The following KRT34 variants were observed in gnomAD, a reference collection of about 807,000 sequenced individuals.
The protein encoded by KRT34 is keratin 34.
In KRT34, 31 loss-of-function variants were observed where a neutral mutation model predicts 41.7. The observed-to-expected ratio is 0.74, with a 90% confidence interval of 0.56 to 1.00. The LOEUF is 1.00. KRT34 is among the 50% of genes least tolerant of loss of function. KRT34 has a pLI of 0.00. For missense variants in KRT34, 523 were observed against 500.3 expected, an observed-to-expected ratio of 1.05 and a Z score of -0.43; for synonymous variants, 224 against 212.9, an observed-to-expected ratio of 1.05 and a Z score of -0.45.
Position 41,382,186 on chromosome 17 carries a change from A to G in KRT34, c.61T>C (p.Cys21Arg), listed in dbSNP as rs2018005901. Reference protein sequence around the residue: ...GCRTSCSSRPCVPPSCHGYTL... With the variant: ...GCRTSCSSRPRVPPSCHGYTL... ...TAGCCGTGGCAGCTGGGGGGCACGC[A>G]GGGCCGGGAGGAGCAGCTGGTGCGG... The change falls in exon 1 of 7, where the codon TGC (cysteine) becomes CGC (arginine). Residue 21 changes from cysteine to arginine, a missense_variant. Physicochemically the swap from Cys to Arg is radical, Grantham distance 180 (BLOSUM62 -3). Coordinates refer to ENST00000394001, the MANE Select transcript of KRT34 (RefSeq NM_001386014.1). 6.2e-7 allele frequency: 1 copy of G among 1,612,268 alleles called. No homozygotes were observed. Among genetic ancestry groups the G allele is most frequent in the African/African-American group, 1.3e-5 (1 of 74,894 alleles).
chr17:41,381,001 T>C (rs1162770228), intron 3 of KRT34, 55 bp downstream of exon 3: 2 of 1,533,366 alleles, frequency 1.3e-6, no homozygotes, highest in Non-Finnish European at 1.8e-6. Context: ...CCTCTCCTGA[T>C]TCCCAGTGCT....
In KRT34 at chr17:41,378,133, G is replaced by T. The variant is rs748179071; in HGVS notation, c.1111C>A (p.Pro371Thr). 4.3e-6 allele frequency: 7 copies of T among 1,613,594 alleles called. No homozygotes were observed. Among genetic ancestry groups the T allele is most frequent in the Non-Finnish European group, 5.1e-6 (6 of 1,179,620 alleles). ...ESEDCKLPCN[P>T]CATTNASGNS... ...CCACTAGCATTGGTGGTGGCGCATG[G>T]GTTGCAGGGGAGCCTAGGAGGACAA... The change falls in exon 7 of 7, where the codon CCA becomes ACA. Residue 371 changes from proline (P) to threonine (T), a missense_variant. Coordinates refer to ENST00000394001, the MANE Select transcript of KRT34 (RefSeq NM_001386014.1).
intron 6 of KRT34, 24 bp downstream of exon 6, chr17:41,378,932 A>G: frequency 1.2e-6 from 2 of 1,613,750 alleles, no homozygotes; most frequent in South Asian, 1.1e-5. Context: ...CATTCTTCCC[A>G]GACATTATTT....
chr17:41,382,856 G>A (rs1340088005), upstream of KRT34, among the ~76,000 whole-genome samples: 2 of 152,198 alleles, frequency 1.3e-5, no homozygotes, highest in Admixed American at 6.5e-5. Flanking sequence ...AACACATGGA[G>A]CAACTGAAAA....
chr17:41,381,003 C>T (rs1474854295), intron 3 of KRT34, 53 bp downstream of exon 3: 5 of 1,551,330 alleles, frequency 3.2e-6, no homozygotes, highest in Non-Finnish European at 4.4e-6. Context: ...TCTCCTGATT[C>T]CCAGTGCTAG....
Position 41,380,275 on chromosome 17 carries a change from A to C in KRT34, c.589-544T>G, listed in dbSNP as rs1372033936. ...TCCGTCAAAAAAAAAAAAGCACTAA[A>C]AGGAAGATTCTGATCATTCCCAAAG... On this transcript the variant is annotated intron_variant, in intron 3 of 6. Coordinates refer to ENST00000394001, the MANE Select transcript of KRT34 (RefSeq NM_001386014.1). Among the ~76,000 whole-genome samples, 3 of 151,592 alleles carry C rather than the reference A, an allele frequency of 2.0e-5. No homozygotes were observed. The East Asian group carries it at 5.9e-4, about 30-fold the overall frequency.
In KRT34 at chr17:41,378,156, C is replaced by T. The variant is rs1370901305; in HGVS notation, c.1098-10G>A. On this transcript the variant is annotated splice_polypyrimidine_tract_variant and intron_variant, in intron 6 of 6. Transcript: ENST00000394001. Reference sequence around the variant, plus strand: ...TGGGTTGCAGGGGAGCCTAGGAGGACAAGGAGGTTTAGAATGGCTTTAGGA... The same window carrying T: ...TGGGTTGCAGGGGAGCCTAGGAGGATAAGGAGGTTTAGAATGGCTTTAGGA... 1 of 1,605,844 alleles carries T rather than the reference C, an allele frequency of 6.2e-7. No homozygotes were observed.
At chr17:41,382,512 TGAAA>T (rs2018017027), upstream of KRT34, 1 of 727,218 alleles carries the variant, frequency 1.4e-6, no homozygotes, top group Non-Finnish European at 2.2e-6. Context: ...TAGTGGTTGG[TGAAA>T]TCAGAGTTTC....
In KRT34 at chr17:41,379,398, G is replaced by A. The variant is rs2017923886; in HGVS notation, c.831C>T (p.Arg277=). 1 of 1,613,532 alleles carries A rather than the reference G, an allele frequency of 6.2e-7. No homozygotes were observed. Among genetic ancestry groups the A allele is most frequent in the Admixed American group, 1.7e-5 (1 of 60,012 alleles). ...SCQAEIIELR[R]TVNALEIELQ... is the part of the protein sequence containing the mutation. Reference sequence around the variant, plus strand: ...GCTCGATCTCCAGGGCGTTGACTGTGCGTCTCAGCTCGATGATCTCCGCCT... The same window carrying A: ...GCTCGATCTCCAGGGCGTTGACTGTACGTCTCAGCTCGATGATCTCCGCCT... The change falls in exon 5 of 7, where the codon CGC becomes CGT. Residue 277 remains arginine (R), a synonymous_variant. Transcript: ENST00000394001.
At chr17:41,383,472 C>T (rs1026381361), upstream of KRT34, among the ~76,000 whole-genome samples, 4 of 152,078 alleles carry the variant, frequency 2.6e-5, no homozygotes, top group African/African-American at 9.7e-5. Context: ...TGTACTAAAG[C>T]AACAGCCTCT....
chr17:41,380,948 G>A (rs1318030836), intron 3 of KRT34, 108 bp downstream of exon 3: 9 of 1,055,860 alleles, frequency 8.5e-6, no homozygotes, highest in Non-Finnish European at 1.3e-5. Context: ...AACATCTTGA[G>A]TTCCTCAGAG....
Position 41,381,755 on chromosome 17 carries a change from T to C in KRT34, c.389A>G (p.Asn130Ser), listed in dbSNP as rs749676550. The C allele has an allele frequency of 5.0e-6, 8 of 1,614,222 alleles. No individual in the cohort carries two copies. Among genetic ancestry groups the C allele is most frequent in the East Asian group, 4.5e-5 (2 of 44,878 alleles). ...AGAGGCCAGCTTGGCATTGTCAATG[T>C]TCACCACCAGCCTGGCATTCTCAGC... ...AKAENARLVVNIDNAKLASDD... is the reference protein window; with the variant it reads ...AKAENARLVVSIDNAKLASDD... The change falls in exon 2 of 7, where the codon AAC (asparagine) becomes AGC (serine). Residue 130 changes from asparagine (N) to serine (S), a missense_variant. Coordinates refer to ENST00000394001, the MANE Select transcript of KRT34 (RefSeq NM_001386014.1).
Position 41,379,117 on chromosome 17 carries a change from G to T in KRT34, c.936C>A (p.Ser312=). Residue 312 remains serine, a synonymous_variant, in exon 6 of 7, where the codon TCC becomes TCA. Transcript: ENST00000394001. ...ESEAHYSSQL[S]QVQSLITNVE... is the part of the protein sequence containing the mutation. ...CGTTGGTGATCAGGCTCTGCACCTG[G>T]GACAGCTGGGAGCTGTAGTGGGCCT... The T allele has an allele frequency of 1.9e-6, 3 of 1,614,208 alleles. No individual in the cohort carries two copies. Among genetic ancestry groups the T allele is most frequent in the Non-Finnish European group, 2.5e-6 (3 of 1,180,046 alleles).
rs1256771902 is a variant in KRT34 at position 41,379,165 on chromosome 17, CAG to C, written c.886_887del (p.Leu296GlyfsTer35). On this transcript the variant is annotated frameshift_variant, in exon 6 of 7. Transcript: ENST00000394001. LOFTEE classifies it high-confidence loss of function. ...CCTCGCTCTCCGTCAGCGTGTTTTC[CAG>C]AGAGTCTCGCTGTGGTGGGGAAGAT... ...LQAQHNLRDS[L>X]ENTLTESEAH... The C allele has an allele frequency of 3.1e-6, 5 of 1,614,230 alleles. No individual in the cohort carries two copies. Among genetic ancestry groups the C allele is most frequent in the Non-Finnish European group, 4.2e-6 (5 of 1,180,036 alleles).
Position 41,379,637 on chromosome 17 carries a change from G to T in KRT34, c.683C>A (p.Thr228Asn). The T allele has an allele frequency of 2.5e-6, 4 of 1,614,122 alleles. No homozygotes were observed. The highest frequency in any genetic ancestry group is 3.4e-6 in the Non-Finnish European group (4 of 1,179,974). Residue 228 changes from threonine to asparagine, a missense_variant, in exon 4 of 7, where the codon ACC becomes AAC. Coordinates refer to ENST00000394001, the MANE Select transcript of KRT34 (RefSeq NM_001386014.1). ...TVDLNQVLNE[T>N]RSQYEALVEI... The stretch of plus-strand genomic sequence containing the variant: ...CACCAGAGCCTCATACTGACTCCTG[G>T]TCTCGTTCAGGACCTGGTTCAGGTC...
chr17:41,382,120 T>A lies in KRT34; in HGVS notation c.127A>T (p.Asn43Tyr), dbSNP rs771731714. ...GACNIPANVS[N>Y]CNWFCEGSFN... is the part of the protein sequence containing the mutation. ...GAGCCCTCACAGAACCAGTTGCAGT[T>A]GCTCACATTGGCGGGGATGTTGCAG... is the stretch of plus-strand genomic sequence containing the variant. The change falls in exon 1 of 7, where the codon AAC (asparagine) becomes TAC (tyrosine). Residue 43 changes from asparagine to tyrosine, a missense_variant. Transcript: ENST00000394001. The A allele has an allele frequency of 6.2e-7, 1 of 1,612,528 alleles. No homozygotes were observed. The highest frequency in any genetic ancestry group is 1.1e-5 in the South Asian group (1 of 91,016).
rs2017994748 is a variant in KRT34 at position 41,381,931 on chromosome 17, A to C, written c.316T>G (p.Tyr106Asp). ...EPLLCPSYQSYFKTIEELQQK... is the reference protein window; with the variant it reads ...EPLLCPSYQSDFKTIEELQQK... The stretch of plus-strand genomic sequence containing the variant: ...TGGAGCTCCTCAATGGTCTTGAAGT[A>C]GGACTGGTAGCTGGGGCACAGCAAG... The change falls in exon 1 of 7, where the codon TAC (tyrosine) becomes GAC (aspartate). Residue 106 changes from tyrosine to aspartate, a missense_variant. Transcript: ENST00000394001. 6.2e-7 allele frequency: 1 copy of C among 1,614,136 alleles called. No individual in the cohort carries two copies. The highest frequency in any genetic ancestry group is 1.3e-5 in the African/African-American group (1 of 74,942).
intron 3 of KRT34, 119 bp downstream of exon 3, chr17:41,380,937 G>C (rs1023612512): frequency 1.0e-6 from 1 of 974,158 alleles, no homozygotes. Context: ...CACTCTCTGA[G>C]AACATCTTGA....
Position 41,381,152 on chromosome 17 carries a change from C to T in KRT34, c.492G>A (p.Arg164=). The part of the protein sequence containing the change: ...LVESDINSIR[R]ILDELTLCKS... ...TGCAGAGGGTCAGCTCATCCAGGAT[C>T]CTGCGTATGCTGTTGATGTCCGACT... Residue 164 remains arginine (R), a synonymous_variant, in exon 3 of 7, where the codon AGG becomes AGA. Coordinates refer to ENST00000394001, the MANE Select transcript of KRT34 (RefSeq NM_001386014.1). The T allele has an allele frequency of 6.2e-7, 1 of 1,614,176 alleles. No homozygotes were observed. Among genetic ancestry groups the T allele is most frequent in the Non-Finnish European group, 8.5e-7 (1 of 1,180,016 alleles).
Sources: allele counts gnomAD v4.1 joint callset (sites outside exome capture counted in the v4.1 genomes callset), GRCh38; gene constraint gnomAD v4.1.1; transcripts MANE v1.5; gene names NCBI Gene and HGNC (gene_info 2026-07-23, HGNC 2026-07-21).